GBP6: variants seen among roughly 807,000 people sequenced by gnomAD.
The protein encoded by GBP6 is guanylate-binding protein 6.
A neutral mutation model predicts 61.5 loss-of-function variants in GBP6; 54 were observed. The ratio of observed to expected loss-of-function variants is 0.88; its 90% CI spans 0.71 to 1.10. The LOEUF (loss-of-function observed/expected upper bound fraction) is 1.10, where lower values mean the gene tolerates loss of function less well. Among genes scored for constraint, GBP6 ranks in the 50% least tolerant of loss-of-function variants. The pLI is 0.00. For missense variants in GBP6, 748 were observed against 752.8 expected (o/e 0.99, Z 0.07); for synonymous variants, 255 against 273.7 (o/e 0.93, Z 0.67).
At chr1:89,383,875 T>C (rs1653058167) in intron 9 of GBP6, 121 bp downstream of exon 9, 1 of 889,734 alleles carries the variant, frequency 1.1e-6, no homozygotes. Flanking sequence ...CACACTCTGC[T>C]AAATCTTAAA....
At chr1:89,373,621 C>T (rs1464089139) in intron 3 of GBP6, among the ~76,000 whole-genome samples, 1 of 152,014 alleles carries the variant, frequency 6.6e-6, no homozygotes, top group African/African-American at 2.4e-5. Flanking sequence ...ACAATGAAAA[C>T]ACTTGGACAC....
rs1490686083 is a variant in GBP6, at chr1:89,381,975, G to T, written c.1152+1G>T. ...TCAGGAATTCCAGAAGAAGTTCATG[G>T]TAATTTGCCTTAGTCATTACTGTTC... On this transcript the variant is annotated splice_donor_variant, in intron 7 of 10. Coordinates refer to ENST00000370456, the MANE Select transcript of GBP6 (RefSeq NM_198460.3). LOFTEE classifies it high-confidence loss of function. The T allele has an allele frequency of 6.2e-7, 1 of 1,603,020 alleles. No individual in the cohort carries two copies.
At position 89,381,711 on chromosome 1, in the gene GBP6, GTGAC is replaced by G; in HGVS notation, c.891_894del (p.Thr298MetfsTer2). ...TCATTTAGGTCTGGGAACTCTGGCAGTGACTTATGTAGAGGCCATCAACAGTGGA... is the reference window on the plus strand; with the variant it reads ...TCATTTAGGTCTGGGAACTCTGGCAGTTATGTAGAGGCCATCAACAGTGGA... On this transcript the variant is annotated frameshift_variant, in exon 7 of 11. Transcript: ENST00000370456. LOFTEE classifies it high-confidence loss of function. 1 of 1,605,756 alleles carries G rather than the reference GTGAC, an allele frequency of 6.2e-7. No homozygotes were observed. The highest frequency in any genetic ancestry group is 8.5e-7 in the Non-Finnish European group (1 of 1,173,798).
rs764634474 is a variant in GBP6 at position 89,384,266 on chromosome 1, A to T, written c.1642A>T (p.Met548Leu). 12 of 1,612,698 alleles carry T rather than the reference A, an allele frequency of 7.4e-6. No homozygotes were observed. The South Asian group carries it at 1.2e-4, about 16-fold the overall frequency. Residue 548 changes from methionine to leucine, a missense_variant, in exon 10 of 11, where the codon ATG (methionine) becomes TTG (leucine). Coordinates refer to ENST00000370456, the MANE Select transcript of GBP6 (RefSeq NM_198460.3). ...ACACCTACTGAGAGAGCAGATTATG[A>T]TGTTGGAGCACACGCAGAAGGTAAG... ...REHLLREQIM[M>L]LEHTQKVQND...
intron 5 of GBP6, among the ~76,000 whole-genome samples, chr1:89,379,387 A>G (rs1399907650): frequency 6.6e-6 from 1 of 151,954 alleles, no homozygotes; most frequent in Non-Finnish European, 1.5e-5. Flanking sequence ...TTTGGAGGGG[A>G]CACACATCCA....
intron 3 of GBP6, among the ~76,000 whole-genome samples, chr1:89,370,039 G>A (rs1652579729): frequency 1.3e-5 from 2 of 152,166 alleles, no homozygotes; most frequent in Admixed American, 6.5e-5. Context: ...GGGAGGAGAT[G>A]GGAATGCAAT....
intron 5 of GBP6, among the ~76,000 whole-genome samples, chr1:89,380,155 C>T (rs757984643): frequency 6.6e-6 from 1 of 152,160 alleles, no homozygotes. Context: ...CAAAACAATA[C>T]AAGATTATAT....
chr1:89,380,418 C>T lies in GBP6; in HGVS notation c.658C>T (p.Pro220Ser), dbSNP rs994457968. 3 of 1,613,798 alleles carry T rather than the reference C, an allele frequency of 1.9e-6. No homozygotes were observed. The highest frequency in any genetic ancestry group is 2.5e-6 in the Non-Finnish European group (3 of 1,179,758). The change falls in exon 6 of 11, where the codon CCC becomes TCC. Residue 220 changes from proline to serine, a missense_variant. Transcript: ENST00000370456. ...TCCCAGAGTTCAAACATCCAATTTTCCCAGGGAGTGCATCAGGCGTTTCTT... is the reference window on the plus strand; with the variant it reads ...TCCCAGAGTTCAAACATCCAATTTTTCCAGGGAGTGCATCAGGCGTTTCTT... ...NNPRVQTSNF[P>S]RECIRRFFPK...
rs1557540720 is a variant in GBP6, at chr1:89,378,186, C to T, written c.402C>T (p.Ile134=). 6.2e-7 allele frequency: 1 copy of T among 1,612,338 alleles called. No homozygotes were observed. ...STFVYNSMST[I]NHQALEQLHY... is the part of the protein sequence containing the mutation. ...TTGTCTACAACAGCATGAGCACCAT[C>T]AACCACCAGGCCCTGGAGCAGCTGC... is the stretch of plus-strand genomic sequence containing the variant. Residue 134 remains isoleucine, a synonymous_variant, in exon 4 of 11, where the codon ATC becomes ATT. Coordinates refer to ENST00000370456, the MANE Select transcript of GBP6 (RefSeq NM_198460.3).
At chr1:89,365,749 G>A (rs1570457955) in intron 1 of GBP6, among the ~76,000 whole-genome samples, 1 of 152,074 alleles carries the variant, frequency 6.6e-6, no homozygotes, top group South Asian at 2.1e-4. Context: ...CACCCTCCAG[G>A]TTGGATGTAT....
At chr1:89,369,817 A>G in intron 3 of GBP6, 144 bp downstream of exon 3, 1 of 902,454 alleles carries the variant, frequency 1.1e-6, no homozygotes, top group East Asian at 2.8e-5. Context: ...ACTTCTAGAC[A>G]AGGTTAGATA....
At position 89,369,650 on chromosome 1, in the gene GBP6, G is replaced by A. The variant is rs75966734; in HGVS notation, c.295G>A (p.Glu99Lys). 8.7e-3 allele frequency: 14,013 copies of A among 1,613,984 alleles called. 112 individuals are homozygous for A. The highest frequency in any genetic ancestry group is 8.8e-3 in the Non-Finnish European group (10,359 of 1,179,916). The change falls in exon 3 of 11, where the codon GAA becomes AAA. Residue 99 changes from glutamate to lysine, a missense_variant. By Grantham distance (56) the Glu-to-Lys change is moderately conservative. Transcript: ENST00000370456. ...CCACACCCTGGTCCTTCTGGACACC[G>A]AAGGTCTGGGCGATGTGGAAAAGGT... ...PNHTLVLLDT[E>K]GLGDVEKGDP...
chr1:89,381,267 A>AAC, intron 6 of GBP6, among the ~76,000 whole-genome samples: 1 of 115,016 alleles, frequency 8.7e-6, no homozygotes, highest in South Asian at 2.8e-4. Context: ...CCTGGGCCTC[A>AAC]AAAAAAAAAA....
At chr1:89,384,955 T>C (rs1653093222) in intron 10 of GBP6, among the ~76,000 whole-genome samples, 1 of 152,236 alleles carries the variant, frequency 6.6e-6, no homozygotes, top group Non-Finnish European at 1.5e-5. Flanking sequence ...ATCAGACCAA[T>C]GGCTACCTCC....
chr1:89,369,539 C>A lies in GBP6; in HGVS notation c.191-7C>A, dbSNP rs1652562569. 1.2e-6 allele frequency: 2 copies of A among 1,612,712 alleles called. No individual in the cohort carries two copies. The highest frequency in any genetic ancestry group is 1.7e-4 in the Middle Eastern group (1 of 6,058). On this transcript the variant is annotated splice_region_variant and splice_polypyrimidine_tract_variant and intron_variant, in intron 2 of 10. Transcript: ENST00000370456. ...CCCTGTGCTTAGCTTCCTCCTCTTC[C>A]CTGCAGGCTTCCCTCTGGGCTCCAC...
rs1253506068 is a variant in GBP6, at chr1:89,385,875, G to A, written c.*406G>A. 6.3e-6 allele frequency: 1 copy of A among 159,382 alleles called. No individual in the cohort carries two copies. Among genetic ancestry groups the A allele is most frequent in the East Asian group, 1.8e-4 (1 of 5,470 alleles). The allele number at this position is 159,382 out of a possible 1,614,324, so 9.9% of individuals were successfully genotyped here. A position where few individuals can be genotyped will look rare whatever the true frequency, so the allele number is the denominator to read the frequency against. On this transcript the variant is annotated 3_prime_UTR_variant, in exon 11 of 11. Transcript: ENST00000370456. ...TAAACATAAAAAGTGCTTATTAGAG[G>A]ATATCAGTGCCTGGCCCACATGAGA...
chr1:89,383,984 C>CTGT, intron 9 of GBP6, 109 bp from the exon 10 acceptor site: 1 of 1,152,770 alleles, frequency 8.7e-7, no homozygotes, highest in Non-Finnish European at 1.2e-6. Context: ...TGGGTGAATT[C>CTGT]TGTGATTTCT....
Position 89,385,537 on chromosome 1 carries a change from G to C in GBP6, c.*68G>C. The stretch of plus-strand genomic sequence containing the variant: ...TCTGTATGTTTTTCATTTTCATTCA[G>C]CAAGTTTTTTTTTTTTTTCAGAGTC... On this transcript the variant is annotated 3_prime_UTR_variant, in exon 11 of 11. Coordinates refer to ENST00000370456, the MANE Select transcript of GBP6 (RefSeq NM_198460.3). The C allele has an allele frequency of 7.6e-7, 1 of 1,319,438 alleles. No homozygotes were observed. The highest frequency in any genetic ancestry group is 1.4e-5 in the South Asian group (1 of 70,732). The allele number at this position is 1,319,438 out of a possible 1,614,324, so 81.7% of individuals were successfully genotyped here.
In GBP6 at chr1:89,386,309, G is replaced by C. The variant is rs1653144082; in HGVS notation, c.*840G>C. ...ATTGGCTCCTTCTGGGAAGAACCAA[G>C]TGAATGTAGGGGTTGAAGGAACACA... On this transcript the variant is annotated 3_prime_UTR_variant, in exon 11 of 11. Transcript: ENST00000370456. 4 of 152,194 alleles carry C rather than the reference G, an allele frequency of 2.6e-5. No homozygotes were observed. Among genetic ancestry groups the C allele is most frequent in the Admixed American group, 2.6e-4 (4 of 15,276 alleles). The allele number at this position is 152,194 out of a possible 1,614,324, so 9.4% of individuals were successfully genotyped here. A position where few individuals can be genotyped will look rare whatever the true frequency, so the allele number is the denominator to read the frequency against.
Sources: allele counts gnomAD v4.1 joint callset (sites outside exome capture counted in the v4.1 genomes callset), GRCh38; gene constraint gnomAD v4.1.1; transcripts MANE v1.5; gene names NCBI Gene and HGNC (gene_info 2026-07-23, HGNC 2026-07-21).